The following PAK3 variants were observed in gnomAD, a reference collection of about 807,000 sequenced individuals.
PAK3 encodes serine/threonine-protein kinase PAK 3.
In PAK3, 4 loss-of-function variants were observed where a neutral mutation model predicts 41.0. The ratio of observed to expected loss-of-function variants is 0.10; its 90% CI spans 0.05 to 0.22. The LOEUF is 0.22. Ranked by LOEUF, PAK3 falls within the 10% of genes least tolerant of loss-of-function variation. The pLI is 1.00. For missense variants in PAK3, 205 were observed against 409.9 expected, an observed-to-expected ratio of 0.50 and a Z score of 4.32; for synonymous variants, 146 against 139.6, an observed-to-expected ratio of 1.05 and a Z score of -0.32.
chrX:111,106,266 GCA>G (rs1238621308), intron 4 of PAK3, among the ~76,000 whole-genome samples: 3 of 111,819 alleles, frequency 2.7e-5, no homozygotes, highest in Non-Finnish European at 5.6e-5. Flanking sequence ...ATAATGACAT[GCA>G]CAGTCACTGA....
intron 10 of PAK3, among the ~76,000 whole-genome samples, chrX:111,171,829 G>A (rs191515602): frequency 8.8e-4 from 98 of 111,743 alleles, no homozygotes; most frequent in African/African-American, 2.9e-3. Flanking sequence ...ATATGTTAAA[G>A]ACATTCAATT....
rs1473385344 is a variant in PAK3 at position 111,225,767 on chromosome X, G to T, written c.*5320G>T. 1 of 111,992 alleles carries T rather than the reference G, an allele frequency of 8.9e-6. No individual in the cohort carries two copies. Among genetic ancestry groups the T allele is most frequent in the Non-Finnish European group, 1.9e-5 (1 of 53,277 alleles). 9.2% of individuals were successfully genotyped at this position (111,992 alleles called of 1,213,427 possible). On this transcript the variant is annotated 3_prime_UTR_variant, in exon 18 of 18. Transcript: ENST00000372007. The stretch of plus-strand genomic sequence containing the variant: ...CTTTCCAAAAGTCTAACATTCTATG[G>T]CATTATAGGTTGCCTTGCAAATTCA...
intron 4 of PAK3, among the ~76,000 whole-genome samples, chrX:111,115,010 C>T (rs1385559003): frequency 8.9e-6 from 1 of 112,199 alleles, no homozygotes; most frequent in Non-Finnish European, 1.9e-5. Flanking sequence ...GGGCTGGGCC[C>T]TGTGATCTCA....
At chrX:111,009,272 C>T (rs1480642569) in intron 1 of PAK3, among the ~76,000 whole-genome samples, 1 of 111,465 alleles carries the variant, frequency 9.0e-6, no homozygotes, top group Non-Finnish European at 1.9e-5. Context: ...TGTACTCTCT[C>T]TCTCCACTCT....
chrX:110,952,783 T>A (rs1239254892), intron 1 of PAK3, among the ~76,000 whole-genome samples: 4 of 112,001 alleles, frequency 3.6e-5, no homozygotes, highest in Non-Finnish European at 7.5e-5. Flanking sequence ...TTGTCTTTTT[T>A]TCTCCTTTTT....
chrX:111,168,937 T>C (rs913952003), intron 10 of PAK3, among the ~76,000 whole-genome samples: 44 of 111,750 alleles, frequency 3.9e-4, no homozygotes, highest in African/African-American at 1.1e-3. Context: ...AGGATGGCTC[T>C]CAGTTATATA....
intron 7 of PAK3, among the ~76,000 whole-genome samples, chrX:111,148,117 G>C (rs2093975200): frequency 8.9e-6 from 1 of 112,021 alleles, no homozygotes; most frequent in African/African-American, 3.2e-5. Flanking sequence ...TGAAGGAGTA[G>C]TTGTGAGCTT....
At chrX:111,040,082 G>A (rs747608410) in intron 1 of PAK3, among the ~76,000 whole-genome samples, 2 of 110,367 alleles carry the variant, frequency 1.8e-5, no homozygotes, top group East Asian at 5.7e-4. Flanking sequence ...GAAGGTGGAG[G>A]TTTCCCTGAA....
intron 1 of PAK3, among the ~76,000 whole-genome samples, chrX:111,076,182 G>A (rs2092784064): frequency 9.0e-6 from 1 of 111,387 alleles, no homozygotes; most frequent in Non-Finnish European, 1.9e-5. Flanking sequence ...TATTGCAAAG[G>A]CATGATTGTA....
chrX:111,018,097 T>A (rs2092118307), intron 1 of PAK3, among the ~76,000 whole-genome samples: 2 of 110,884 alleles, frequency 1.8e-5, no homozygotes, highest in African/African-American at 6.5e-5. Context: ...CTCAACATAA[T>A]AAGGCCATAT....
chrX:111,207,098 G>A (rs773409906), intron 16 of PAK3, among the ~76,000 whole-genome samples: 73 of 103,108 alleles, frequency 7.1e-4, no homozygotes, highest in East Asian at 1.8e-3. Flanking sequence ...GTGTGTGTGT[G>A]TATATATATA....
chrX:111,052,700 G>A (rs1261846335), intron 1 of PAK3, among the ~76,000 whole-genome samples: 3 of 112,397 alleles, frequency 2.7e-5, no homozygotes, highest in Non-Finnish European at 5.6e-5. Context: ...AACCACATCT[G>A]TTAACCAATA....
At chrX:110,990,087 C>T (rs950585340) in intron 1 of PAK3, among the ~76,000 whole-genome samples, 1 of 111,578 alleles carries the variant, frequency 9.0e-6, no homozygotes, top group African/African-American at 3.3e-5. Flanking sequence ...GTCATAGAGT[C>T]GGTGTGGTCT....
chrX:111,105,729 C>T (rs1241755768), intron 4 of PAK3, among the ~76,000 whole-genome samples: 1 of 111,701 alleles, frequency 9.0e-6, no homozygotes, highest in Non-Finnish European at 1.9e-5. Context: ...CATTCACACT[C>T]ACACACTCAC....
chrX:111,147,709 A>C, intron 6 of PAK3, 28 bp from the exon 7 acceptor site: 1 of 1,097,319 alleles, frequency 9.1e-7, no homozygotes, highest in Non-Finnish European at 1.3e-6. Context: ...GTTCTGAGCT[A>C]CCATTCTTTC....
At chrX:111,077,659 C>A (rs2092797930) in intron 1 of PAK3, among the ~76,000 whole-genome samples, 1 of 111,607 alleles carries the variant, frequency 9.0e-6, no homozygotes, top group Admixed American at 9.5e-5. Flanking sequence ...AAGACTAAGT[C>A]AAAATGGGTT....
chrX:111,172,192 T>G (rs1299291970), intron 10 of PAK3, among the ~76,000 whole-genome samples: 1 of 109,104 alleles, frequency 9.2e-6, no homozygotes, highest in Non-Finnish European at 1.9e-5. Flanking sequence ...ACCATCAGTG[T>G]ACAAGGGTTC....
intron 1 of PAK3, among the ~76,000 whole-genome samples, chrX:111,023,341 G>T: frequency 8.9e-6 from 1 of 111,947 alleles, no homozygotes; most frequent in Admixed American, 9.4e-5. Context: ...GAACAGTGCT[G>T]CAATAAACAT....
chrX:111,193,375 A>C (rs1446305123), intron 13 of PAK3, among the ~76,000 whole-genome samples: 1 of 90,115 alleles, frequency 1.1e-5, no homozygotes, highest in Non-Finnish European at 2.1e-5. Flanking sequence ...TTTTTTACAG[A>C]GTCTTGCTCT....
Sources: allele counts gnomAD v4.1 joint callset (sites outside exome capture counted in the v4.1 genomes callset), GRCh38; gene constraint gnomAD v4.1.1; transcripts MANE v1.5; gene names NCBI Gene and HGNC (gene_info 2026-07-23, HGNC 2026-07-21).